ISL2: variants seen among roughly 807,000 people sequenced by gnomAD.
ISL2 encodes insulin gene enhancer protein ISL-2.
ISL2 carries 17 observed loss-of-function variants against 34.6 expected under a neutral mutation model. The ratio of observed to expected loss-of-function variants is 0.49; its 90% CI spans 0.34 to 0.74. The LOEUF is 0.74. ISL2 is among the 30% of genes least tolerant of loss of function. The pLI is 0.01. For missense variants in ISL2, 469 were observed against 515.2 expected, an observed-to-expected ratio of 0.91 and a Z score of 0.87; for synonymous variants, 232 against 225.5, an observed-to-expected ratio of 1.03 and a Z score of -0.26.
intron 1 of ISL2, 152 bp downstream of exon 1, chr15:76,337,093 G>A (rs1052510921): frequency 8.6e-6 from 6 of 699,270 alleles, no homozygotes; most frequent in African/African-American, 7.1e-5. Context: ...GTCTCCTGCA[G>A]GACTGCTTAT....
chr15:76,338,672 A>G, intron 3 of ISL2, 158 bp downstream of exon 3: 2 of 985,318 alleles, frequency 2.0e-6, no homozygotes, highest in Non-Finnish European at 2.4e-6. Flanking sequence ...TGTGCTGGGA[A>G]CAAGGCTGTG....
At chr15:76,337,230 GTTT>G (rs11439488) in intron 1 of ISL2, among the ~76,000 whole-genome samples, 3 of 145,374 alleles carry the variant, frequency 2.1e-5, no homozygotes, top group Non-Finnish European at 3.0e-5. Flanking sequence ...AGGGATGTGG[GTTT>G]TTTTTTTTTT....
At chr15:76,337,265 C>T (rs2040157935) in intron 1 of ISL2, among the ~76,000 whole-genome samples, 1 of 145,640 alleles carries the variant, frequency 6.9e-6, no homozygotes, top group Non-Finnish European at 1.5e-5. Context: ...GTTTGCCTTT[C>T]GGTTTTTCAA....
chr15:76,338,900 C>G, intron 3 of ISL2: 1 of 985,220 alleles, frequency 1.0e-6, no homozygotes, highest in Non-Finnish European at 1.2e-6. Context: ...TAAGGTTTGC[C>G]CAGGGGTATG....
In ISL2 at chr15:76,341,923, C is replaced by T. The variant is rs1188408465; in HGVS notation, c.*88C>T. On this transcript the variant is annotated 3_prime_UTR_variant, in exon 6 of 6. Coordinates refer to ENST00000290759, the MANE Select transcript of ISL2 (RefSeq NM_145805.3). ...TCAGGCCATTCCAGTTCCGAAAGCT[C>T]TCTCGCCTTCGTAATTATTCTATTG... 3.6e-6 allele frequency: 3 copies of T among 841,526 alleles called. No individual in the cohort carries two copies. In the African/African-American group the frequency reaches 5.0e-5, roughly 14 times the overall value. 52.1% of individuals were successfully genotyped at this position (841,526 alleles called of 1,614,324 possible).
chr15:76,340,636 G>A, intron 4 of ISL2, 77 bp downstream of exon 4: 1 of 1,447,218 alleles, frequency 6.9e-7, no homozygotes, highest in Non-Finnish European at 9.4e-7. Context: ...GCCCTTTTCT[G>A]GGCGAGCCCT....
chr15:76,338,624 C>G lies in ISL2; in HGVS notation c.511+110C>G. 3 of 1,238,090 alleles carry G rather than the reference C, an allele frequency of 2.4e-6. No homozygotes were observed. The South Asian group carries it at 9.9e-5, about 41-fold the overall frequency. The allele number at this position is 1,238,090 out of a possible 1,614,324, so 76.7% of individuals were successfully genotyped here. A position where few individuals can be genotyped will look rare whatever the true frequency, so the allele number is the denominator to read the frequency against. On this transcript the variant is annotated intron_variant, in intron 3 of 5. Coordinates refer to ENST00000290759, the MANE Select transcript of ISL2 (RefSeq NM_145805.3). ...AGTTGTCAGTTGTGTGTGGTTCCGT[C>G]TGCCGGGATAGTGTTTTTCTGTATC...
rs147350382 is a variant in ISL2 at position 76,338,920 on chromosome 15, A to T, written c.511+406A>T. ...TTTGCCCAGGGGTATGTGTGTAAGT[A>T]ACACAGCTCCAAACTGGGAGCTGGG... On this transcript the variant is annotated intron_variant, in intron 3 of 5. Coordinates refer to ENST00000290759, the MANE Select transcript of ISL2 (RefSeq NM_145805.3). 2.8e-3 allele frequency: 2,758 copies of T among 985,368 alleles called. 4 individuals are homozygous for T. The highest frequency in any genetic ancestry group is 3.1e-3 in the Middle Eastern group (6 of 1,914). The allele number at this position is 985,368 out of a possible 1,614,324, so 61.0% of individuals were successfully genotyped here.
At chr15:76,338,633 T>G (rs529801838) in intron 3 of ISL2, 119 bp downstream of exon 3, 16 of 1,234,446 alleles carry the variant, frequency 1.3e-5, no homozygotes, top group Non-Finnish European at 1.6e-5. Context: ...TCTGCCGGGA[T>G]AGTGTTTTTC....
At chr15:76,338,231 C>T (rs773024658) in intron 2 of ISL2, 21 bp from the exon 3 acceptor site, 3 of 1,535,606 alleles carry the variant, frequency 2.0e-6, no homozygotes, top group South Asian at 1.2e-5. Flanking sequence ...GCGCTGACAC[C>T]GCCGCACCTT....
intron 2 of ISL2, 60 bp from the exon 3 acceptor site, chr15:76,338,192 C>T: frequency 6.6e-7 from 1 of 1,506,112 alleles, no homozygotes; most frequent in Non-Finnish European, 8.8e-7. Flanking sequence ...GCCGTAGCAG[C>T]CAGGGAGATG....
chr15:76,341,600 C>T (rs1251290046), intron 5 of ISL2, 119 bp from the exon 6 acceptor site: 13 of 810,172 alleles, frequency 1.6e-5, no homozygotes, highest in Non-Finnish European at 2.1e-5. Context: ...CTCCGCAGGG[C>T]TTGCTCTCAG....
At position 76,337,771 on chromosome 15, in the gene ISL2, C is replaced by T; in HGVS notation, c.59-7C>T. 2 of 1,578,138 alleles carry T rather than the reference C, an allele frequency of 1.3e-6. No individual in the cohort carries two copies. The highest frequency in any genetic ancestry group is 8.6e-7 in the Non-Finnish European group (1 of 1,158,986). ...GCCTGACGCGGCCCCGCGCCCTTCC[C>T]CGGCAGAGAAGCCCGGGACGGCCAT... On this transcript the variant is annotated splice_polypyrimidine_tract_variant and splice_region_variant and intron_variant, in intron 1 of 5. Coordinates refer to ENST00000290759, the MANE Select transcript of ISL2 (RefSeq NM_145805.3).
intron 3 of ISL2, 32 bp downstream of exon 3, chr15:76,338,546 C>G (rs1234635892): frequency 7.7e-7 from 1 of 1,292,718 alleles, no homozygotes; most frequent in Non-Finnish European, 9.8e-7. Flanking sequence ...CCGGGGTGAG[C>G]GGGGTGTATG....
At position 76,338,341 on chromosome 15, in the gene ISL2, A is replaced by T; in HGVS notation, c.338A>T (p.Glu113Val). Residue 113 changes from glutamate (E) to valine (V), a missense_variant, in exon 3 of 6, where the codon GAG becomes GTG. By Grantham distance (121) the Glu-to-Val change is moderately radical (BLOSUM62 -2). Around this residue, in one of 3 missense-constraint regions of ISL2, gnomAD observed 297 missense variants for 337.8 expected, o/e 0.88. Coordinates refer to ENST00000290759, the MANE Select transcript of ISL2 (RefSeq NM_145805.3). ...MRARDSVYHI[E>V]CFRCSVCSRQ... ...GCGCGGGACAGCGTGTACCACATCG[A>T]GTGCTTCCGCTGCTCCGTGTGCAGC... The T allele has an allele frequency of 6.4e-7, 1 of 1,573,666 alleles. No individual in the cohort carries two copies. The highest frequency in any genetic ancestry group is 1.1e-5 in the South Asian group (1 of 87,246).
rs2141581600 is a variant in ISL2, at chr15:76,338,342, G to A, written c.339G>A (p.Glu113=). Residue 113 remains glutamate (E), a synonymous_variant, in exon 3 of 6, where the codon GAG becomes GAA. Transcript: ENST00000290759. ...MRARDSVYHI[E]CFRCSVCSRQ... is the part of the protein sequence containing the mutation. ...CGCGGGACAGCGTGTACCACATCGA[G>A]TGCTTCCGCTGCTCCGTGTGCAGCC... 2 of 1,573,176 alleles carry A rather than the reference G, an allele frequency of 1.3e-6. No homozygotes were observed. Among genetic ancestry groups the A allele is most frequent in the East Asian group, 2.4e-5 (1 of 40,898 alleles).
At chr15:76,337,618 A>G (rs984586044) in intron 1 of ISL2, 160 bp from the exon 2 acceptor site, 1 of 568,236 alleles carries the variant, frequency 1.8e-6, no homozygotes. Context: ...TTCGTTTCCA[A>G]TGCCCTGGAC....
chr15:76,340,463 G>T lies in ISL2; in HGVS notation c.699G>T (p.Arg233=), dbSNP rs771795756. ...QLVEMTGLSP[R]VIRVWFQNKR... is the part of the protein sequence containing the mutation. Reference sequence around the variant, plus strand: ...TGGAGATGACCGGCCTGAGCCCGCGGGTCATCCGCGTCTGGTTCCAGAACA... The same window carrying T: ...TGGAGATGACCGGCCTGAGCCCGCGTGTCATCCGCGTCTGGTTCCAGAACA... Residue 233 remains arginine (R), a synonymous_variant, in exon 4 of 6, where the codon CGG becomes CGT. Coordinates refer to ENST00000290759, the MANE Select transcript of ISL2 (RefSeq NM_145805.3). The T allele has an allele frequency of 1.9e-6, 3 of 1,613,714 alleles. No individual in the cohort carries two copies. The South Asian group carries it at 3.3e-5, about 18-fold the overall frequency.
In ISL2 at chr15:76,338,889, G is replaced by A. The variant is rs1025949492; in HGVS notation, c.511+375G>A. Reference sequence around the variant, plus strand: ...GAGGAATATGTGTTATTGTCAGAGGGTAAGGTTTGCCCAGGGGTATGTGTG... The same window carrying A: ...GAGGAATATGTGTTATTGTCAGAGGATAAGGTTTGCCCAGGGGTATGTGTG... On this transcript the variant is annotated intron_variant, in intron 3 of 5. Transcript: ENST00000290759. The A allele has an allele frequency of 4.1e-6, 4 of 985,296 alleles. No individual in the cohort carries two copies. In the African/African-American group the frequency reaches 7.0e-5, roughly 17 times the overall value. 61.0% of individuals were successfully genotyped at this position (985,296 alleles called of 1,614,324 possible).
Sources: allele counts gnomAD v4.1 joint callset (sites outside exome capture counted in the v4.1 genomes callset), GRCh38; gene constraint gnomAD v4.1.1; regional missense constraint gnomAD v4.1.1; transcripts MANE v1.5; gene names NCBI Gene and HGNC (gene_info 2026-07-23, HGNC 2026-07-21).